CP: variants seen among roughly 807,000 people sequenced by gnomAD.
The protein encoded by CP is ceruloplasmin.
In CP, 64 loss-of-function variants were observed where a neutral mutation model predicts 122.4. The ratio of observed to expected loss-of-function variants is 0.52; its 90% confidence interval spans 0.43 to 0.64. CP has a LOEUF of 0.64. Among genes scored for constraint, CP ranks in the 30% least tolerant of loss-of-function variants. The pLI is 0.00. For missense variants in CP, 1,167 were observed against 1,284.4 expected, an observed-to-expected ratio of 0.91 and a Z score of 1.40; for synonymous variants, 440 against 436.4, an observed-to-expected ratio of 1.01 and a Z score of -0.10.
In CP at chr3:149,178,097, T is replaced by C. The variant is rs540404074; in HGVS notation, c.2879-118A>G. ...AATCTTTTTGATGTAATAGGACTTA[T>C]TTTACTACAAATGAGAGAAATGGAT... On this transcript the variant is annotated intron_variant, in intron 16 of 18. Transcript: ENST00000264613. 1.0e-5 allele frequency: 10 copies of C among 953,336 alleles called. No individual in the cohort carries two copies. In the East Asian group the frequency reaches 2.5e-4, roughly 24 times the overall value. The allele number at this position is 953,336 out of a possible 1,614,324, so 59.1% of individuals were successfully genotyped here.
rs764364948 is a variant in CP, at chr3:149,176,266, G to A, written c.3165C>T (p.Thr1055=). The A allele has an allele frequency of 5.6e-6, 9 of 1,612,072 alleles. No individual in the cohort carries two copies. Among genetic ancestry groups the A allele is most frequent in the African/African-American group, 2.7e-5 (2 of 74,810 alleles). ...GATATTCACCTTCATTTTGTAGAAC[G>A]GTGTAAGTGGTTTCCATTCCAGCAT... The part of the protein sequence containing the change: ...HIHAGMETTY[T]VLQNEDTKSG Residue 1055 remains threonine, a synonymous_variant, in exon 18 of 19, where the codon ACC becomes ACT. Coordinates refer to ENST00000264613, the MANE Select transcript of CP (RefSeq NM_000096.4).
intron 8 of CP, 74 bp from the exon 9 acceptor site, chr3:149,198,652 G>C: frequency 7.8e-7 from 1 of 1,273,986 alleles, no homozygotes; most frequent in Non-Finnish European, 1.1e-6. Flanking sequence ...AGTAGACTAA[G>C]TTTAGTCTAG....
At chr3:149,206,123 G>T (rs202084077) in intron 6 of CP, 45 bp downstream of exon 6, 2 of 1,575,918 alleles carry the variant, frequency 1.3e-6, no homozygotes, top group Non-Finnish European at 1.7e-6. Context: ...TCCTTTGTGC[G>T]GGGGAGAGCA....
intron 18 of CP, among the ~76,000 whole-genome samples, chr3:149,175,475 T>G (rs1252180872): frequency 6.6e-6 from 1 of 152,172 alleles, no homozygotes; most frequent in Non-Finnish European, 1.5e-5. Context: ...TTTCTTCATT[T>G]GTATGTTCCC....
rs905623132 is a variant in CP, at chr3:149,193,363, A to C, written c.1713+5004T>G. On this transcript the variant is annotated intron_variant, in intron 9 of 18. Transcript: ENST00000264613. ...CCATCTAAATGTTTGACAGTAGGGA[A>C]CTGACTGAATAAATTATGGTGCATT... Among the ~76,000 whole-genome samples, 6 of 152,324 alleles carry C rather than the reference A, an allele frequency of 3.9e-5. 1 individual carries two copies. Among genetic ancestry groups the C allele is most frequent in the Admixed American group, 1.3e-4 (2 of 15,300 alleles).
At position 149,221,777 on chromosome 3, in the gene CP, G is replaced by A. The variant is rs1414913526; in HGVS notation, c.16C>T (p.Leu6Phe). MKILI[L>F]GIFLFLCSTP... ...CTACATAAAAACAGAAAAATACCAA[G>A]TATCAAAATCTTCATTTTTTTCCCC... is the stretch of plus-strand genomic sequence containing the variant. Residue 6 changes from leucine (L) to phenylalanine (F), a missense_variant, in exon 1 of 19, where the codon CTT (leucine) becomes TTT (phenylalanine). By Grantham distance (22) the Leu-to-Phe change is conservative (BLOSUM62 0). This residue lies in a region of CP where 642 missense variants were observed against 627.3 expected (regional missense o/e 1.02). Transcript: ENST00000264613. The A allele has an allele frequency of 1.2e-5, 20 of 1,613,624 alleles. No homozygotes were observed. The highest frequency in any genetic ancestry group is 1.7e-5 in the Non-Finnish European group (20 of 1,179,734).
intron 4 of CP, among the ~76,000 whole-genome samples, chr3:149,166,499 T>C (rs1724429883): frequency 6.6e-6 from 1 of 152,258 alleles, no homozygotes; most frequent in South Asian, 2.1e-4. Flanking sequence ...GTTCAGAATA[T>C]AATTTTGTAT....
In CP at chr3:149,210,313, T is replaced by G. The variant is rs146101316; in HGVS notation, c.461A>C (p.Gln154Pro). The change falls in exon 3 of 19, where the codon CAG (glutamine) becomes CCG (proline). Residue 154 changes from glutamine (Q) to proline (P), a missense_variant. Gln to Pro is a moderately conservative substitution (Grantham distance 76, BLOSUM62 -1). Around this residue, in one of 2 missense-constraint regions of CP, gnomAD observed 642 missense variants for 627.3 expected, o/e 1.02. Coordinates refer to ENST00000264613, the MANE Select transcript of CP (RefSeq NM_000096.4). ...AGTGGCAAGCAACATGTATGTATAC[T>G]GCTCTCCTGGATATACTTTGTCATC... is the stretch of plus-strand genomic sequence containing the variant. The part of the protein sequence containing the change: ...RADDKVYPGE[Q>P]YTYMLLATEE... The G allele has an allele frequency of 1.2e-6, 2 of 1,614,022 alleles. No individual in the cohort carries two copies. Among genetic ancestry groups the G allele is most frequent in the Non-Finnish European group, 1.7e-6 (2 of 1,179,980 alleles).
At chr3:149,205,293 G>A (rs1024689346) in intron 6 of CP, among the ~76,000 whole-genome samples, 1 of 150,508 alleles carries the variant, frequency 6.6e-6, no homozygotes, top group Non-Finnish European at 1.5e-5. Context: ...AGTTGCTATG[G>A]AGAACAGTAA....
chr3:149,214,709 G>C (rs1030771534), intron 1 of CP, among the ~76,000 whole-genome samples: 2 of 152,164 alleles, frequency 1.3e-5, no homozygotes, highest in Admixed American at 6.5e-5. Context: ...ATGGACACAG[G>C]TAGGCATGGG....
At chr3:149,199,306 TATATAAAA>T (rs1727132268) in intron 8 of CP, among the ~76,000 whole-genome samples, 1 of 152,172 alleles carries the variant, frequency 6.6e-6, no homozygotes, top group African/African-American at 2.4e-5. Flanking sequence ...ATGGAAGAAT[TATATAAAA>T]ATATAAGAGC....
chr3:149,184,025 C>T lies in CP; in HGVS notation c.2286-420G>A, dbSNP rs1559939308. On this transcript the variant is annotated intron_variant, in intron 12 of 18. Coordinates refer to ENST00000264613, the MANE Select transcript of CP (RefSeq NM_000096.4). ...TTCCCAGGCATTCCCTTTTCACTTA[C>T]TTCTTTTTTTTTTTTTTTTTTTTTT... 4.6e-3 allele frequency among the ~76,000 whole-genome samples: 305 copies of T among 66,288 alleles called. 34 individuals carry two copies. Among genetic ancestry groups the T allele is most frequent in the Admixed American group, 6.0e-3 (33 of 5,508 alleles). 43.5% of individuals were successfully genotyped at this position (66,288 alleles called of 152,430 possible). A position where few individuals can be genotyped will look rare whatever the true frequency, so the allele number is the denominator to read the frequency against.
chr3:149,217,934 A>T (rs1158145988), intron 1 of CP: 3 of 436,374 alleles, frequency 6.9e-6, no homozygotes, highest in African/African-American at 6.3e-5. Context: ...CTTCTTGGTC[A>T]TTAGGCCTGC....
chr3:149,169,038 C>T (rs568974169), downstream of CP, among the ~76,000 whole-genome samples: 6 of 149,810 alleles, frequency 4.0e-5, no homozygotes, highest in South Asian at 8.5e-4. Context: ...TGTGTGCATA[C>T]GTGTGTGTGT....
At position 149,184,028 on chromosome 3, in the gene CP, CTTTTTTTTT is replaced by C. The variant is rs869206210; in HGVS notation, c.2286-432_2286-424del. Among the ~76,000 whole-genome samples, 107 of 63,608 alleles carry C rather than the reference CTTTTTTTTT, an allele frequency of 1.7e-3. 1 individual carries two copies. Among genetic ancestry groups the C allele is most frequent in the African/African-American group, 6.1e-3 (99 of 16,344 alleles). The allele number at this position is 63,608 out of a possible 152,430, so 41.7% of individuals were successfully genotyped here. A position where few individuals can be genotyped will look rare whatever the true frequency, so the allele number is the denominator to read the frequency against. ...CCAGGCATTCCCTTTTCACTTACTT[CTTTTTTTTT>C]TTTTTTTTTTTTTTTTTTTGAGGAG... On this transcript the variant is annotated intron_variant, in intron 12 of 18. Transcript: ENST00000264613.
At chr3:149,166,645 A>G (rs898971275) in intron 4 of CP, among the ~76,000 whole-genome samples, 2 of 152,178 alleles carry the variant, frequency 1.3e-5, no homozygotes, top group African/African-American at 4.8e-5. Context: ...TTAAACATGT[A>G]GATTACTTCT....
chr3:149,195,079 A>G (rs529330830), intron 9 of CP, among the ~76,000 whole-genome samples: 2 of 152,340 alleles, frequency 1.3e-5, no homozygotes, highest in African/African-American at 4.8e-5. Context: ...TTTTGTGGGT[A>G]ACTAGATAGC....
chr3:149,214,128 G>C (rs1206050534), intron 1 of CP, among the ~76,000 whole-genome samples: 1 of 152,142 alleles, frequency 6.6e-6, no homozygotes, highest in African/African-American at 2.4e-5. Flanking sequence ...TGAAGATTAA[G>C]AGAGCTGCCC....
At chr3:149,192,981 T>TACACACAC (rs3070607) in intron 9 of CP, among the ~76,000 whole-genome samples, 8 of 148,804 alleles carry the variant, frequency 5.4e-5, no homozygotes, top group Non-Finnish European at 9.0e-5. Flanking sequence ...TGATCCTGTA[T>TACACACAC]ACACACACAC....
Sources: gnomAD v4.1 joint callset for allele counts (sites outside exome capture counted in the v4.1 genomes callset) on GRCh38, gnomAD v4.1.1 for gene constraint, gnomAD v4.1.1 regional missense constraint, MANE v1.5 for transcripts, NCBI Gene and HGNC (gene_info 2026-07-23, HGNC 2026-07-21) for gene names.